The following RORB variants were observed in gnomAD, a reference collection of about 807,000 sequenced individuals.
The protein encoded by RORB is nuclear receptor ROR-beta.
Under a neutral mutation model 59.1 loss-of-function variants are expected in RORB, and 6 were observed. The ratio of observed to expected loss-of-function variants is 0.10; its 90% CI spans 0.06 to 0.20. RORB has a LOEUF of 0.20. Among genes scored for constraint, RORB ranks in the 10% least tolerant of loss-of-function variants. The probability of loss-of-function intolerance (pLI) is 1.00; values close to 1 mark genes in which losing one functional copy is unlikely to be tolerated. For synonymous variants in RORB, 215 were observed against 204.5 expected (o/e 1.05, Z -0.44); for missense variants, 320 against 560.5 (o/e 0.57, Z 4.33).
chr9:74,606,285 T>C (rs935298259), intron 1 of RORB, among the ~76,000 whole-genome samples: 1 of 152,244 alleles, frequency 6.6e-6, no homozygotes, highest in African/African-American at 2.4e-5. Flanking sequence ...GTTGCCTCTC[T>C]GAATTTTCTG....
rs111910561 is a variant in RORB, at chr9:74,597,756, C to T, written c.8-32526C>T. Among the ~76,000 whole-genome samples, 622 of 152,164 alleles carry T rather than the reference C, an allele frequency of 4.1e-3. 5 individuals are homozygous for T. Among genetic ancestry groups the T allele is most frequent in the African/African-American group, 0.014 (597 of 41,516 alleles). The stretch of plus-strand genomic sequence containing the variant: ...GGCAGATCACCTGAGATCAGGAGTT[C>T]GAGACCAGCCTGACCAACATGGAGA... On this transcript the variant is annotated intron_variant, in intron 1 of 9. Transcript: ENST00000376896.
At chr9:74,549,918 C>T (rs1201892713) in intron 1 of RORB, among the ~76,000 whole-genome samples, 4 of 151,882 alleles carry the variant, frequency 2.6e-5, no homozygotes, top group African/African-American at 4.8e-5. Flanking sequence ...TTAGTAGAGA[C>T]GGGGTTTCAC....
rs1186934559 is a variant in RORB, at chr9:74,645,944, C to T, written c.637+3129C>T. ...TGGTGTTTGCTGCCTACCTGACCTC[C>T]TTCTAGGCACTACAAACTGGAGCTT... On this transcript the variant is annotated intron_variant, in intron 4 of 9. Coordinates refer to ENST00000376896, the MANE Select transcript of RORB (RefSeq NM_006914.4). 3.9e-5 allele frequency among the ~76,000 whole-genome samples: 6 copies of T among 152,238 alleles called. No homozygotes were observed. In the East Asian group the frequency reaches 7.7e-4, roughly 20 times the overall value.
chr9:74,520,875 A>G (rs1279532703), intron 1 of RORB, among the ~76,000 whole-genome samples: 3 of 151,748 alleles, frequency 2.0e-5, no homozygotes, highest in Non-Finnish European at 4.4e-5. Context: ...GCTCCACACT[A>G]TTGCAGGCCT....
chr9:74,651,904 CTG>C (rs1485037197), intron 4 of RORB, among the ~76,000 whole-genome samples: 6 of 152,280 alleles, frequency 3.9e-5, no homozygotes, highest in Admixed American at 2.0e-4. Context: ...AGAAAGGAAA[CTG>C]TAATTTCCAA....
intron 1 of RORB, among the ~76,000 whole-genome samples, chr9:74,521,881 A>G (rs1826090279): frequency 6.6e-6 from 1 of 151,796 alleles, no homozygotes; most frequent in South Asian, 2.1e-4. Flanking sequence ...TTCACTATAA[A>G]ATTATAAGGA....
intron 1 of RORB, among the ~76,000 whole-genome samples, chr9:74,534,827 G>C (rs1291907214): frequency 6.6e-6 from 1 of 152,030 alleles, no homozygotes; most frequent in Non-Finnish European, 1.5e-5. Flanking sequence ...GCTATGTCAG[G>C]ACATTACTTC....
chr9:74,669,227 C>G (rs1410677271), intron 8 of RORB, among the ~76,000 whole-genome samples: 1 of 152,042 alleles, frequency 6.6e-6, no homozygotes, highest in Non-Finnish European at 1.5e-5. Context: ...GCCTGTAATC[C>G]CAACACTTCG....
At chr9:74,648,989 G>A (rs555765974) in intron 4 of RORB, among the ~76,000 whole-genome samples, 5 of 149,352 alleles carry the variant, frequency 3.3e-5, no homozygotes, top group Admixed American at 1.3e-4. Flanking sequence ...TTTTTTCGAC[G>A]GAGTCTGCCT....
intron 1 of RORB, among the ~76,000 whole-genome samples, chr9:74,574,684 T>C (rs1351798096): frequency 6.6e-6 from 1 of 152,036 alleles, no homozygotes; most frequent in Non-Finnish European, 1.5e-5. Context: ...AACTTGTAGG[T>C]AAATTGACCA....
chr9:74,554,302 C>T (rs961619519), intron 1 of RORB, among the ~76,000 whole-genome samples: 10 of 152,166 alleles, frequency 6.6e-5, no homozygotes, highest in Non-Finnish European at 1.3e-4. Flanking sequence ...GGACTTCCTT[C>T]CCTTCTCTGC....
intron 3 of RORB, among the ~76,000 whole-genome samples, chr9:74,636,743 T>C (rs955029987): frequency 2.0e-5 from 3 of 151,396 alleles, no homozygotes; most frequent in Non-Finnish European, 4.4e-5. Flanking sequence ...AAATTTATCA[T>C]GAGGAGAAAT....
At chr9:74,628,255 A>G (rs894957231) in intron 1 of RORB, among the ~76,000 whole-genome samples, 2 of 152,068 alleles carry the variant, frequency 1.3e-5, no homozygotes, top group African/African-American at 4.8e-5. Flanking sequence ...ATGAATAGAA[A>G]TGTATACTTA....
chr9:74,602,176 G>A (rs1823069526), intron 1 of RORB, among the ~76,000 whole-genome samples: 1 of 152,122 alleles, frequency 6.6e-6, no homozygotes, highest in African/African-American at 2.4e-5. Flanking sequence ...GTCTCCCCAA[G>A]CCAAATAAAA....
intron 1 of RORB, among the ~76,000 whole-genome samples, chr9:74,609,110 T>A (rs1823192895): frequency 6.6e-6 from 1 of 152,238 alleles, no homozygotes; most frequent in Non-Finnish European, 1.5e-5. Context: ...TTTAACGGAA[T>A]TAAATGTTTA....
At chr9:74,553,815 G>T (rs914195631) in intron 1 of RORB, among the ~76,000 whole-genome samples, 2 of 152,146 alleles carry the variant, frequency 1.3e-5, no homozygotes, top group African/African-American at 2.4e-5. Flanking sequence ...ACCAGAGTAG[G>T]CTGAGCTATG....
rs551245652 is a variant in RORB at position 74,669,134 on chromosome 9, T to A, written c.1111+1233T>A. ...CCAAGTTCTTAAAGAATTCAAGGTG[T>A]GGCAATATTTATGGATCAACTAGAA... On this transcript the variant is annotated intron_variant, in intron 8 of 9. Transcript: ENST00000376896. 7.0e-4 allele frequency among the ~76,000 whole-genome samples: 106 copies of A among 152,338 alleles called. 1 individual carries two copies. Among genetic ancestry groups the A allele is most frequent in the African/African-American group, 2.5e-3 (103 of 41,576 alleles).
At chr9:74,505,596 G>C (rs529471333) in intron 1 of RORB, among the ~76,000 whole-genome samples, 2 of 152,176 alleles carry the variant, frequency 1.3e-5, no homozygotes, top group South Asian at 4.1e-4. Flanking sequence ...AACATGGCAA[G>C]GACGCTACCA....
rs567117977 is a variant in RORB, at chr9:74,651,465, G to A, written c.637+8650G>A. On this transcript the variant is annotated intron_variant, in intron 4 of 9. Transcript: ENST00000376896. ...CACGAGAATTGCTTGAACCTGGGAG[G>A]CAGAGGTTGCAGTGAGCCAAGATTG... Among the ~76,000 whole-genome samples, 3 of 152,138 alleles carry A rather than the reference G, an allele frequency of 2.0e-5. No homozygotes were observed. The South Asian group carries it at 6.2e-4, about 32-fold the overall frequency.
Sources: gnomAD v4.1 joint callset for allele counts (sites outside exome capture counted in the v4.1 genomes callset) on GRCh38, gnomAD v4.1.1 for gene constraint, MANE v1.5 for transcripts, NCBI Gene and HGNC (gene_info 2026-07-23, HGNC 2026-07-21) for gene names.